The following RPRD1A variants were observed in gnomAD, a reference collection of about 807,000 sequenced individuals.
RPRD1A encodes the protein regulation of nuclear pre-mRNA domain-containing protein 1A.
Under a neutral mutation model 37.8 loss-of-function variants are expected in RPRD1A, and 9 were observed. The observed-to-expected ratio is 0.24, with a 90% CI of 0.14 to 0.42. The LOEUF (loss-of-function observed/expected upper bound fraction) is 0.42. Among genes scored for constraint, RPRD1A ranks in the 10% least tolerant of loss-of-function variants. The pLI, the probability that RPRD1A is intolerant of heterozygous loss-of-function variation, is 1.00. For missense variants in RPRD1A, 255 were observed against 371.0 expected (o/e 0.69, Z 2.57); for synonymous variants, 138 against 139.7 (o/e 0.99, Z 0.08).
intron 6 of RPRD1A, among the ~76,000 whole-genome samples, chr18:36,016,123 A>C (rs1910552337): frequency 6.6e-6 from 1 of 152,244 alleles, no homozygotes; most frequent in South Asian, 2.1e-4. Flanking sequence ...GATACTTATT[A>C]CCAAACTGTC....
intron 6 of RPRD1A, among the ~76,000 whole-genome samples, chr18:36,022,894 C>T (rs539749429): frequency 5.3e-5 from 8 of 152,262 alleles, no homozygotes; most frequent in African/African-American, 1.2e-4. Context: ...CTCATGAGTT[C>T]GAGGTTACAG....
At chr18:35,999,691 G>A (rs1423086945) in intron 6 of RPRD1A, among the ~76,000 whole-genome samples, 1 of 151,804 alleles carries the variant, frequency 6.6e-6, no homozygotes, top group Non-Finnish European at 1.5e-5. Flanking sequence ...GATCTTTAGT[G>A]GTCAATTAAA....
At chr18:36,058,163 C>G (rs529611104) in intron 1 of RPRD1A, among the ~76,000 whole-genome samples, 1 of 152,204 alleles carries the variant, frequency 6.6e-6, no homozygotes, top group Non-Finnish European at 1.5e-5. Flanking sequence ...CTACCTCAGC[C>G]TCCTGGGTAG....
At chr18:36,066,561 C>T (rs1455640642) in intron 1 of RPRD1A, among the ~76,000 whole-genome samples, 1 of 152,168 alleles carries the variant, frequency 6.6e-6, no homozygotes, top group Non-Finnish European at 1.5e-5. Context: ...TAGTGACAGA[C>T]ATCTCAAAAA....
At chr18:36,005,134 C>T (rs192226145) in intron 6 of RPRD1A, among the ~76,000 whole-genome samples, 102 of 151,926 alleles carry the variant, frequency 6.7e-4, no homozygotes, top group African/African-American at 2.2e-3. Flanking sequence ...ACCCCGTCTC[C>T]GCTAAAAATA....
rs1004558094 is a variant in RPRD1A, at chr18:36,026,959, A to G, written c.730T>C (p.Leu244=). The G allele has an allele frequency of 3.7e-6, 6 of 1,613,922 alleles. No individual in the cohort carries two copies. In the African/African-American group the frequency reaches 8.0e-5, roughly 22 times the overall value. The change falls in exon 6 of 7, where the codon TTA becomes CTA. Residue 244 remains leucine (L), a synonymous_variant. Transcript: ENST00000399022. ...TTTTGACAACGAAGAAAATCTGCTA[A>G]CATTCGAGTGAGTTGCTTTCTATCA... ...IDDRKQLTRM[L]ADFLRCQKEA...
chr18:35,994,661 C>A (rs1471938169), intron 6 of RPRD1A, among the ~76,000 whole-genome samples: 6 of 152,068 alleles, frequency 3.9e-5, no homozygotes, highest in Non-Finnish European at 8.8e-5. Context: ...CTAGTAGGCA[C>A]TTGGAAATGT....
chr18:36,008,577 G>GTGTGTGTGTGTATATATATATATATATA, intron 6 of RPRD1A, among the ~76,000 whole-genome samples: 3 of 47,802 alleles, frequency 6.3e-5, no homozygotes, highest in Admixed American at 2.8e-4. Flanking sequence ...CCTTGTGTGT[G>GTGTGTGTGTGTATATATATATATATATA]TATATATATA....
chr18:36,031,109 AAAAAAG>A lies in RPRD1A; in HGVS notation c.282-18_282-13del. On this transcript the variant is annotated splice_polypyrimidine_tract_variant and intron_variant, in intron 2 of 6. Transcript: ENST00000399022. Reference sequence around the variant, plus strand: ...TTTCATCAGTTTCACTAAAAAAAAAAAAAAAGAAAAAAAGAAAAATGTTAACAGTAA... The same window carrying A: ...TTTCATCAGTTTCACTAAAAAAAAAAAAAAAAAGAAAAATGTTAACAGTAA... 1 of 1,529,274 alleles carries A rather than the reference AAAAAAG, an allele frequency of 6.5e-7. No homozygotes were observed. Among genetic ancestry groups the A allele is most frequent in the Non-Finnish European group, 8.7e-7 (1 of 1,145,878 alleles). The allele number at this position is 1,529,274 out of a possible 1,614,324, so 94.7% of individuals were successfully genotyped here.
chr18:36,015,222 T>G (rs1910465130), intron 6 of RPRD1A, among the ~76,000 whole-genome samples: 1 of 150,322 alleles, frequency 6.7e-6, no homozygotes, highest in Admixed American at 6.6e-5. Context: ...ACTTTTTTTT[T>G]TTTTTTTTGA....
At chr18:36,000,283 T>TTTC (rs988617058) in intron 6 of RPRD1A, among the ~76,000 whole-genome samples, 91 of 152,326 alleles carry the variant, frequency 6.0e-4, no homozygotes, top group African/African-American at 2.1e-3. Context: ...TCCTTTCTCA[T>TTTC]TTCTTTTCAC....
intron 6 of RPRD1A, among the ~76,000 whole-genome samples, chr18:36,023,296 A>T (rs1911135282): frequency 6.6e-6 from 1 of 152,238 alleles, no homozygotes; most frequent in African/African-American, 2.4e-5. Flanking sequence ...GTTTACTCCA[A>T]TTCTCATGGC....
chr18:36,022,961 A>T (rs1911108487), intron 6 of RPRD1A, among the ~76,000 whole-genome samples: 1 of 152,216 alleles, frequency 6.6e-6, no homozygotes, highest in South Asian at 2.1e-4. Flanking sequence ...GACTGTCTCC[A>T]AAATAACAAT....
chr18:36,062,899 G>A (rs1470576133), intron 1 of RPRD1A: 1 of 152,058 alleles, frequency 6.6e-6, no homozygotes, highest in Non-Finnish European at 1.5e-5. Flanking sequence ...AAAAACCACT[G>A]AATAGTATAC....
intron 6 of RPRD1A, chr18:36,025,234 C>T (rs1415958417): frequency 6.4e-6 from 1 of 155,874 alleles, no homozygotes; most frequent in Non-Finnish European, 1.4e-5. Flanking sequence ...AGGCAAGTTA[C>T]TTAATCTTCC....
At chr18:36,029,034 T>C (rs555977185) in intron 4 of RPRD1A, among the ~76,000 whole-genome samples, 1 of 152,288 alleles carries the variant, frequency 6.6e-6, no homozygotes, top group Non-Finnish European at 1.5e-5. Flanking sequence ...CTGTCATGAG[T>C]TATTACCAAA....
intron 6 of RPRD1A, among the ~76,000 whole-genome samples, chr18:35,994,732 A>G (rs1308499157): frequency 1.3e-5 from 2 of 152,250 alleles, no homozygotes; most frequent in African/African-American, 2.4e-5. Context: ...AATTCTAGCT[A>G]AAACCAAGAG....
intron 1 of RPRD1A, among the ~76,000 whole-genome samples, chr18:36,059,985 T>C (rs2144415573): frequency 6.6e-6 from 1 of 152,284 alleles, no homozygotes; most frequent in East Asian, 1.9e-4. Flanking sequence ...ACTTAGAAGG[T>C]GCTAGCATTG....
At chr18:36,033,119 T>C (rs1169207118) in intron 2 of RPRD1A, among the ~76,000 whole-genome samples, 2 of 151,792 alleles carry the variant, frequency 1.3e-5, no homozygotes, top group African/African-American at 4.8e-5. Context: ...CTGGCCAAGA[T>C]GGTGAAACCT....
Sources: allele counts gnomAD v4.1 joint callset (sites outside exome capture counted in the v4.1 genomes callset), GRCh38; gene constraint gnomAD v4.1.1; transcripts MANE v1.5; gene names NCBI Gene and HGNC (gene_info 2026-07-23, HGNC 2026-07-21).